Variants in SORCS3 observed in about 807,000 individuals in gnomAD.
The protein encoded by SORCS3 is VPS10 domain-containing receptor SorCS3.
SORCS3 carries 57 observed loss-of-function variants against 146.3 expected under a neutral mutation model. The ratio of observed to expected loss-of-function variants is 0.39; its 90% CI spans 0.31 to 0.49. The LOEUF (loss-of-function observed/expected upper bound fraction) is 0.49, where lower values mean the gene tolerates loss of function less well. SORCS3 is among the 20% of genes least tolerant of loss of function. The pLI, the probability that SORCS3 is intolerant of heterozygous loss-of-function variation, is 0.92. For missense variants in SORCS3, 1,341 were observed against 1,575.5 expected (o/e 0.85, Z 2.52); for synonymous variants, 653 against 618.5 (o/e 1.06, Z -0.83).
At chr10:104,726,065 G>A (rs12783177) in intron 1 of SORCS3, among the ~76,000 whole-genome samples, 40,464 of 152,114 alleles carry the variant, frequency 0.27, 5,900 homozygotes, top group East Asian at 0.63. Context: ...CTTCTGCATC[G>A]CTCACGCTGG....
chr10:104,751,280 C>G (rs2016980253), intron 1 of SORCS3, among the ~76,000 whole-genome samples: 1 of 152,096 alleles, frequency 6.6e-6, no homozygotes, highest in Non-Finnish European at 1.5e-5. Context: ...ACTGGACTCT[C>G]TCTTATGGGA....
chr10:105,039,719 T>C lies in SORCS3; in HGVS notation c.955-3336T>C, dbSNP rs1404596123. ...ATCCACCTGCCTCAGCCTCCCAAAG[T>C]GCTGGGATTATAGGCATGAGCCACT... is the stretch of plus-strand genomic sequence containing the variant. On this transcript the variant is annotated intron_variant, in intron 4 of 26. Transcript: ENST00000369701. Among the ~76,000 whole-genome samples the C allele has an allele frequency of 2.0e-5, 3 of 152,204 alleles. No individual in the cohort carries two copies. The South Asian group carries it at 6.2e-4, about 32-fold the overall frequency.
At chr10:104,713,260 G>A (rs576945837) in intron 1 of SORCS3, among the ~76,000 whole-genome samples, 1 of 152,230 alleles carries the variant, frequency 6.6e-6, no homozygotes, top group South Asian at 2.1e-4. Flanking sequence ...CCCAACACAA[G>A]GTTGTCATCT....
chr10:105,183,779 G>C (rs372485425), intron 14 of SORCS3, among the ~76,000 whole-genome samples: 3 of 152,270 alleles, frequency 2.0e-5, no homozygotes, highest in South Asian at 4.2e-4. Context: ...GCCTGCAGAG[G>C]GGGTATTGGA....
At chr10:104,694,545 A>T (rs1255791426) in intron 1 of SORCS3, among the ~76,000 whole-genome samples, 2 of 152,002 alleles carry the variant, frequency 1.3e-5, no homozygotes, top group African/African-American at 4.8e-5. Flanking sequence ...CTGCACTCAG[A>T]TATAAAGGAT....
intron 5 of SORCS3, among the ~76,000 whole-genome samples, chr10:105,046,258 C>T (rs2055370867): frequency 6.6e-6 from 1 of 152,078 alleles, no homozygotes. Flanking sequence ...AGAAATATTA[C>T]AAATAACAAT....
At chr10:105,136,450 A>G (rs919538398) in intron 7 of SORCS3, among the ~76,000 whole-genome samples, 9 of 152,198 alleles carry the variant, frequency 5.9e-5, no homozygotes, top group Admixed American at 5.9e-4. Flanking sequence ...TTCAACGTTC[A>G]TTTTGGAAGG....
chr10:104,945,058 CAT>C lies in SORCS3; in HGVS notation c.795+29128_795+29129del, dbSNP rs771950597. Among the ~76,000 whole-genome samples the C allele has an allele frequency of 2.6e-5, 4 of 152,168 alleles. No homozygotes were observed. In the South Asian group the frequency reaches 8.3e-4, roughly 32 times the overall value. On this transcript the variant is annotated intron_variant, in intron 3 of 26. Coordinates refer to ENST00000369701, the MANE Select transcript of SORCS3 (RefSeq NM_014978.3). ...AGCAAGCAACAACATGGATTAATCTCATAGAGTATTGAGCCATAAAACGTCAT... is the reference window on the plus strand; with the variant it reads ...AGCAAGCAACAACATGGATTAATCTCAGAGTATTGAGCCATAAAACGTCAT...
intron 1 of SORCS3, among the ~76,000 whole-genome samples, chr10:104,769,378 A>T (rs1430301208): frequency 2.0e-5 from 3 of 152,162 alleles, no homozygotes; most frequent in Non-Finnish European, 4.4e-5. Flanking sequence ...TGTTTCTGGA[A>T]ACAGTTTCAG....
intron 2 of SORCS3, among the ~76,000 whole-genome samples, chr10:104,899,046 G>A (rs958097666): frequency 6.6e-6 from 1 of 152,122 alleles, no homozygotes; most frequent in African/African-American, 2.4e-5. Flanking sequence ...GATATGCTGT[G>A]TTTTTCTAGC....
chr10:104,901,636 T>C (rs2018852357), intron 2 of SORCS3, among the ~76,000 whole-genome samples: 1 of 152,156 alleles, frequency 6.6e-6, no homozygotes, highest in African/African-American at 2.4e-5. Flanking sequence ...TCTCTGAATT[T>C]CACCAATGTG....
intron 8 of SORCS3, among the ~76,000 whole-genome samples, chr10:105,143,315 TTCTTG>T (rs2056108184): frequency 6.6e-6 from 1 of 152,168 alleles, no homozygotes; most frequent in Non-Finnish European, 1.5e-5. Flanking sequence ...TCCTAAGTTG[TTCTTG>T]TATTCTGCAT....
intron 4 of SORCS3, among the ~76,000 whole-genome samples, chr10:105,031,362 C>CACACACAAAAAA (rs1045650497): frequency 7.0e-6 from 1 of 143,710 alleles, no homozygotes; most frequent in African/African-American, 2.7e-5. Flanking sequence ...CACACACACA[C>CACACACAAAAAA]AAAAACATGT....
chr10:104,800,005 A>T (rs969801528), intron 1 of SORCS3, among the ~76,000 whole-genome samples: 1 of 152,148 alleles, frequency 6.6e-6, no homozygotes, highest in Admixed American at 6.6e-5. Context: ...ATAAAAAAAG[A>T]AAATGTATGT....
intron 1 of SORCS3, among the ~76,000 whole-genome samples, chr10:104,831,822 A>T (rs1463930442): frequency 1.3e-5 from 2 of 152,078 alleles, no homozygotes; most frequent in Admixed American, 6.5e-5. Flanking sequence ...CTGATTTTTC[A>T]CTCAGAACAC....
chr10:105,143,069 A>G (rs776426351), intron 8 of SORCS3, among the ~76,000 whole-genome samples: 114 of 152,052 alleles, frequency 7.5e-4, no homozygotes, highest in Non-Finnish European at 9.0e-4. Flanking sequence ...GCTGCTGTAT[A>G]TTCTTTGCCT....
chr10:105,164,235 T>C, intron 11 of SORCS3, 68 bp from the exon 12 acceptor site: 2 of 1,165,210 alleles, frequency 1.7e-6, no homozygotes, highest in Admixed American at 3.4e-5. Flanking sequence ...TGCTCCCCCA[T>C]CCCTCAGCCC....
intron 1 of SORCS3, among the ~76,000 whole-genome samples, chr10:104,821,558 A>AT (rs1210900691): frequency 6.6e-6 from 1 of 152,226 alleles, no homozygotes; most frequent in Non-Finnish European, 1.5e-5. Flanking sequence ...GTAGAAGACC[A>AT]AAGCATTCAG....
intron 3 of SORCS3, among the ~76,000 whole-genome samples, chr10:104,967,850 A>T (rs2054834999): frequency 6.6e-6 from 1 of 150,400 alleles, no homozygotes; most frequent in African/African-American, 2.4e-5. Flanking sequence ...GATAGAGTTG[A>T]GGTTTCACCA....
Sources: gnomAD v4.1 joint callset for allele counts (sites outside exome capture counted in the v4.1 genomes callset) on GRCh38, gnomAD v4.1.1 for gene constraint, MANE v1.5 for transcripts, NCBI Gene and HGNC (gene_info 2026-07-23, HGNC 2026-07-21) for gene names.